The following NASP variants were observed in gnomAD, a reference collection of about 807,000 sequenced individuals.
NASP encodes nuclear autoantigenic sperm protein, also known as NASP histone chaperone.
A neutral mutation model predicts 89.5 loss-of-function variants in NASP; 24 were observed. The ratio of observed to expected loss-of-function variants is 0.27; its 90% CI spans 0.19 to 0.38. The LOEUF (loss-of-function observed/expected upper bound fraction) is 0.38. Ranked by LOEUF, NASP falls within the 10% of genes least tolerant of loss-of-function variation. The pLI is 1.00. For missense variants in NASP, 848 were observed against 921.4 expected, an observed-to-expected ratio of 0.92 and a Z score of 1.03; for synonymous variants, 306 against 324.7, an observed-to-expected ratio of 0.94 and a Z score of 0.62.
In NASP at chr1:45,597,298, C is replaced by CTTTTTT. The variant is rs71056314; in HGVS notation, c.108-4938_108-4933dup. Among the ~76,000 whole-genome samples the CTTTTTT allele has an allele frequency of 1.1e-3, 111 of 99,840 alleles. 3 individuals are homozygous for CTTTTTT. Among genetic ancestry groups the CTTTTTT allele is most frequent in the African/African-American group, 4.4e-3 (96 of 22,042 alleles). The allele number at this position is 99,840 out of a possible 152,430, so 65.5% of individuals were successfully genotyped here. A position where few individuals can be genotyped will look rare whatever the true frequency, so the allele number is the denominator to read the frequency against. ...CTCTAGCCTGGGCGACAGAGCAAGA[C>CTTTTTT]TTTTTTTTTTTTTTTTTTTTTTTTA... On this transcript the variant is annotated intron_variant, in intron 2 of 14. Transcript: ENST00000350030.
chr1:45,600,652 G>C (rs1643818044), intron 2 of NASP, among the ~76,000 whole-genome samples: 1 of 152,168 alleles, frequency 6.6e-6, no homozygotes, highest in Non-Finnish European at 1.5e-5. Context: ...GTGAATATTT[G>C]TGTACAAGTC....
intron 1 of NASP, among the ~76,000 whole-genome samples, chr1:45,585,403 A>C (rs1204614613): frequency 1.3e-5 from 2 of 152,186 alleles, no homozygotes; most frequent in African/African-American, 4.8e-5. Flanking sequence ...TTAGAGATTT[A>C]CGTATATCTC....
intron 1 of NASP, among the ~76,000 whole-genome samples, chr1:45,584,485 C>T (rs1436837556): frequency 6.6e-6 from 1 of 152,202 alleles, no homozygotes; most frequent in South Asian, 2.1e-4. Flanking sequence ...TGCCCCTCTC[C>T]TTCCTCCCCC....
chr1:45,617,001 CGCCTG>C (rs1222447991), intron 13 of NASP, among the ~76,000 whole-genome samples: 1 of 152,170 alleles, frequency 6.6e-6, no homozygotes, highest in East Asian at 1.9e-4. Context: ...CCCGCCACCA[CGCCTG>C]GCTAGTTTTT....
At chr1:45,595,488 C>A (rs1643673196) in intron 2 of NASP, among the ~76,000 whole-genome samples, 1 of 152,132 alleles carries the variant, frequency 6.6e-6, no homozygotes, top group East Asian at 1.9e-4. Flanking sequence ...TATAGTCTCT[C>A]CTTTTGAATG....
rs765638340 is a variant in NASP at position 45,607,398 on chromosome 1, A to C, written c.487A>C (p.Lys163Gln). ...EKEEAKKTED[K>Q]SLAKPETDKE... ...AGAAGAAGCCAAAAAAACAGAAGAC[A>C]AGTCTTTGGCAAAGCCTGAAACTGA... Residue 163 changes from lysine (K) to glutamine (Q), a missense_variant, in exon 6 of 15, where the codon AAG (lysine) becomes CAG (glutamine). Lys to Gln is a moderately conservative substitution (Grantham distance 53). Transcript: ENST00000350030. 18 of 1,613,920 alleles carry C rather than the reference A, an allele frequency of 1.1e-5. No individual in the cohort carries two copies. Among genetic ancestry groups the C allele is most frequent in the Non-Finnish European group, 1.4e-5 (16 of 1,179,968 alleles).
At chr1:45,587,666 A>ATC (rs1180266704) in intron 1 of NASP, among the ~76,000 whole-genome samples, 1 of 52,704 alleles carries the variant, frequency 1.9e-5, no homozygotes, top group African/African-American at 8.1e-5. Context: ...TTTTTCATAT[A>ATC]TATATATATA....
In NASP at chr1:45,604,960, T is replaced by C; in HGVS notation, c.243T>C (p.Ala81=). The stretch of plus-strand genomic sequence containing the variant: ...GAGGTAAGAAGTATGGAGAGACAGC[T>C]AATGAGTGTGGAGAAGCCTTCTTTT... ...SLLGKKYGET[A]NECGEAFFFY... Residue 81 remains alanine, a synonymous_variant, in exon 4 of 15, where the codon GCT becomes GCC. Coordinates refer to ENST00000350030, the MANE Select transcript of NASP (RefSeq NM_002482.4). The C allele has an allele frequency of 6.2e-7, 1 of 1,612,590 alleles. No individual in the cohort carries two copies. The highest frequency in any genetic ancestry group is 8.5e-7 in the Non-Finnish European group (1 of 1,178,750).
chr1:45,618,025 A>C (rs1380060193), intron 14 of NASP, 36 bp from the exon 15 acceptor site: 1 of 1,560,560 alleles, frequency 6.4e-7, no homozygotes, highest in Non-Finnish European at 8.7e-7. Context: ...GGCTTAAACT[A>C]GGCTCACTCA....
intron 2 of NASP, among the ~76,000 whole-genome samples, chr1:45,599,904 A>G (rs1429172864): frequency 3.4e-5 from 5 of 148,848 alleles, no homozygotes; most frequent in Non-Finnish European, 5.9e-5. Flanking sequence ...AGCTTCTTTT[A>G]GAGCTTTGAA....
intron 12 of NASP, 90 bp from the exon 13 acceptor site, chr1:45,616,536 C>A: frequency 6.6e-7 from 1 of 1,511,830 alleles, no homozygotes; most frequent in South Asian, 1.1e-5. Flanking sequence ...CATAGTGAGA[C>A]CTTGTCTCTG....
chr1:45,587,279 C>T (rs576888460), intron 1 of NASP, among the ~76,000 whole-genome samples: 5 of 151,874 alleles, frequency 3.3e-5, no homozygotes, highest in Admixed American at 3.3e-4. Context: ...TCCGCCCTCC[C>T]GGATTCAAGC....
intron 6 of NASP, among the ~76,000 whole-genome samples, chr1:45,609,112 T>C (rs1367197392): frequency 6.6e-6 from 1 of 152,226 alleles, no homozygotes; most frequent in Non-Finnish European, 1.5e-5. Flanking sequence ...GGTCTAAGTG[T>C]GATTAAATTT....
chr1:45,597,109 G>C (rs1387068237), intron 2 of NASP, among the ~76,000 whole-genome samples: 2 of 152,152 alleles, frequency 1.3e-5, no homozygotes, highest in South Asian at 4.1e-4. Context: ...AGGAGTTTGA[G>C]ACCAGCCTGG....
chr1:45,600,392 TA>T (rs1179350354), intron 2 of NASP: 14 of 1,291,578 alleles, frequency 1.1e-5, no homozygotes, highest in Non-Finnish European at 1.4e-5. Flanking sequence ...CAGCAACCAT[TA>T]ATCTGCTTTC....
In NASP at chr1:45,591,286, T is replaced by A; in HGVS notation, c.107+16T>A. ...AAGTGGAGAGGTAAGATTATTTACATGGTAGTTAGATTCGTATCAGAAACA... is the reference window on the plus strand; with the variant it reads ...AAGTGGAGAGGTAAGATTATTTACAAGGTAGTTAGATTCGTATCAGAAACA... On this transcript the variant is annotated intron_variant, in intron 2 of 14. Coordinates refer to ENST00000350030, the MANE Select transcript of NASP (RefSeq NM_002482.4). 2.0e-6 allele frequency: 3 copies of A among 1,473,522 alleles called. No homozygotes were observed. Among genetic ancestry groups the A allele is most frequent in the African/African-American group, 1.4e-5 (1 of 69,672 alleles). 91.3% of individuals were successfully genotyped at this position (1,473,522 alleles called of 1,614,324 possible).
Position 45,584,063 on chromosome 1 carries a change from C to A in NASP, c.-84C>A. Reference sequence around the variant, plus strand: ...GGTCTCTAATCTGCCATTTTCTGTCCCTGAGTGAGTCTCTGGCGTCCCAAA... The same window carrying A: ...GGTCTCTAATCTGCCATTTTCTGTCACTGAGTGAGTCTCTGGCGTCCCAAA... On this transcript the variant is annotated 5_prime_UTR_variant, in exon 1 of 15. Transcript: ENST00000350030. The A allele has an allele frequency of 1.5e-6, 2 of 1,334,348 alleles. No homozygotes were observed. Among genetic ancestry groups the A allele is most frequent in the Non-Finnish European group, 1.0e-6 (1 of 956,414 alleles). The allele number at this position is 1,334,348 out of a possible 1,614,324, so 82.7% of individuals were successfully genotyped here.
intron 1 of NASP, chr1:45,588,788 A>G (rs189954782): frequency 3.7e-6 from 1 of 268,672 alleles, no homozygotes; most frequent in Non-Finnish European, 7.4e-6. Flanking sequence ...AATACAAAAA[A>G]AAAATGTAGT....
intron 2 of NASP, among the ~76,000 whole-genome samples, chr1:45,595,002 T>G (rs371477659): frequency 1.3e-5 from 2 of 151,986 alleles, no homozygotes; most frequent in African/African-American, 4.8e-5. Context: ...TTCTTTTTTT[T>G]CCCCCCTTGA....
Sources: allele counts gnomAD v4.1 joint callset (sites outside exome capture counted in the v4.1 genomes callset), GRCh38; gene constraint gnomAD v4.1.1; transcripts MANE v1.5; gene names NCBI Gene and HGNC (gene_info 2026-07-23, HGNC 2026-07-21).